PLXDC2: variants seen among roughly 807,000 people sequenced by gnomAD.
PLXDC2 encodes plexin domain-containing protein 2.
A neutral mutation model predicts 68.9 loss-of-function variants in PLXDC2; 40 were observed. That is an observed-to-expected ratio of 0.58 (90% CI 0.45 to 0.76). The LOEUF (loss-of-function observed/expected upper bound fraction) is 0.76. Ranked by LOEUF, PLXDC2 falls within the 30% of genes least tolerant of loss-of-function variation. PLXDC2 has a pLI of 0.00. For synonymous variants in PLXDC2, 243 were observed against 234.2 expected (o/e 1.04, Z -0.34); for missense variants, 644 against 661.9 (o/e 0.97, Z 0.30).
intron 1 of PLXDC2, among the ~76,000 whole-genome samples, chr10:19,825,970 C>A (rs1320501244): frequency 6.6e-6 from 1 of 152,172 alleles, no homozygotes; most frequent in Non-Finnish European, 1.5e-5. Flanking sequence ...TTTCTCTTCT[C>A]CTTCTCCTTT....
intron 4 of PLXDC2, among the ~76,000 whole-genome samples, chr10:20,130,585 A>C (rs1237956296): frequency 6.6e-6 from 1 of 152,118 alleles, no homozygotes; most frequent in Admixed American, 6.5e-5. Flanking sequence ...AATCCCGAGA[A>C]GCTTTTAGCT....
intron 7 of PLXDC2, among the ~76,000 whole-genome samples, chr10:20,170,609 A>C (rs1444672962): frequency 6.6e-6 from 1 of 152,156 alleles, no homozygotes; most frequent in Admixed American, 6.5e-5. Flanking sequence ...AAATAATAGT[A>C]ATAGCATAGA....
chr10:20,261,649 G>T (rs1835810058), intron 13 of PLXDC2, among the ~76,000 whole-genome samples: 1 of 152,146 alleles, frequency 6.6e-6, no homozygotes, highest in Non-Finnish European at 1.5e-5. Context: ...GAGGCTGGGA[G>T]TTTGAGACCA....
At chr10:20,038,863 T>C (rs1169734144) in intron 2 of PLXDC2, among the ~76,000 whole-genome samples, 2 of 152,314 alleles carry the variant, frequency 1.3e-5, no homozygotes, top group South Asian at 2.1e-4. Flanking sequence ...GTGGGAACTT[T>C]ATCTCACATT....
At chr10:20,233,383 T>C (rs1224505712) in intron 12 of PLXDC2, among the ~76,000 whole-genome samples, 1 of 149,800 alleles carries the variant, frequency 6.7e-6, no homozygotes, top group Admixed American at 6.6e-5. Flanking sequence ...AAAAAGTAGG[T>C]GGGCATGGGG....
chr10:19,946,788 A>G (rs952780414), intron 1 of PLXDC2, among the ~76,000 whole-genome samples: 2 of 152,078 alleles, frequency 1.3e-5, no homozygotes, highest in Non-Finnish European at 2.9e-5. Context: ...TGCAGCCTAG[A>G]TCCCTCCATG....
chr10:19,957,182 T>C (rs956913895), intron 1 of PLXDC2, among the ~76,000 whole-genome samples: 1 of 152,192 alleles, frequency 6.6e-6, no homozygotes, highest in African/African-American at 2.4e-5. Context: ...TCTCTCATTC[T>C]AGTCTTTGAA....
chr10:20,217,684 G>T (rs1835158827), intron 11 of PLXDC2, 108 bp downstream of exon 11: 1 of 1,267,392 alleles, frequency 7.9e-7, no homozygotes, highest in South Asian at 2.3e-5. Context: ...TACTCTCTAG[G>T]TCTCTCTAAA....
intron 9 of PLXDC2, among the ~76,000 whole-genome samples, chr10:20,192,460 TA>T (rs1461226571): frequency 6.6e-6 from 1 of 152,012 alleles, no homozygotes; most frequent in Non-Finnish European, 1.5e-5. Context: ...ATAAAAAAAT[TA>T]AAACCACAGA....
intron 12 of PLXDC2, among the ~76,000 whole-genome samples, chr10:20,234,740 G>T (rs942194712): frequency 2.3e-5 from 3 of 132,024 alleles, no homozygotes; most frequent in African/African-American, 5.8e-5. Context: ...ATAGAATTCT[G>T]CTCATTTACT....
chr10:19,907,596 T>C (rs1833188781), intron 1 of PLXDC2, among the ~76,000 whole-genome samples: 1 of 152,192 alleles, frequency 6.6e-6, no homozygotes, highest in Admixed American at 6.5e-5. Context: ...AATGGCAACA[T>C]ACCATACCTT....
chr10:20,231,989 G>A (rs1352472051), intron 12 of PLXDC2, among the ~76,000 whole-genome samples: 2 of 146,978 alleles, frequency 1.4e-5, no homozygotes, highest in African/African-American at 2.5e-5. Context: ...CTGGGTGACA[G>A]AACAGGACCC....
At position 20,285,960 on chromosome 10, in the gene PLXDC2, T is replaced by C. The variant is rs535014928; in HGVS notation, c.*6141T>C. On this transcript the variant is annotated 3_prime_UTR_variant, in exon 14 of 14. Transcript: ENST00000377252. ...TAGCCTCAACTTAAATTGTAATACA[T>C]CTGCCTAATTATTGTCTGGAATAAC... 6.6e-6 allele frequency: 1 copy of C among 152,348 alleles called. No individual in the cohort carries two copies. The highest frequency in any genetic ancestry group is 2.1e-4 in the South Asian group (1 of 4,832). 9.4% of individuals were successfully genotyped at this position (152,348 alleles called of 1,614,324 possible). A position where few individuals can be genotyped will look rare whatever the true frequency, so the allele number is the denominator to read the frequency against.
chr10:20,126,482 T>TAACACATGTTATATATGTATATAG (rs1833785068), intron 4 of PLXDC2, among the ~76,000 whole-genome samples: 2 of 23,338 alleles, frequency 8.6e-5, no homozygotes, highest in African/African-American at 1.8e-4. Flanking sequence ...TATGTATATA[T>TAACACATGTTATATATGTATATAG]AACACACACG....
intron 12 of PLXDC2, among the ~76,000 whole-genome samples, chr10:20,228,240 G>C (rs1835312154): frequency 6.6e-6 from 1 of 152,094 alleles, no homozygotes; most frequent in East Asian, 1.9e-4. Context: ...TTAAGGAGAT[G>C]AATTAGGTAT....
At chr10:19,960,007 T>C (rs1295823906) in intron 1 of PLXDC2, among the ~76,000 whole-genome samples, 1 of 151,984 alleles carries the variant, frequency 6.6e-6, no homozygotes, top group Non-Finnish European at 1.5e-5. Flanking sequence ...TCACACAAAA[T>C]GTAATGACTT....
At chr10:20,071,214 T>G (rs1836310938) in intron 4 of PLXDC2, 1 of 152,184 alleles carries the variant, frequency 6.6e-6, no homozygotes, top group Non-Finnish European at 1.5e-5. Flanking sequence ...TGCTTGCTCT[T>G]TCTTTGTTCA....
chr10:20,061,060 A>T (rs1051940119), intron 3 of PLXDC2, among the ~76,000 whole-genome samples: 4 of 152,160 alleles, frequency 2.6e-5, no homozygotes, highest in African/African-American at 9.7e-5. Flanking sequence ...AAGAGTTTCC[A>T]TGTAGATTTC....
chr10:19,998,927 A>G (rs562497375), intron 1 of PLXDC2, among the ~76,000 whole-genome samples: 6 of 152,324 alleles, frequency 3.9e-5, no homozygotes, highest in South Asian at 2.1e-4. Context: ...TAATCTTACT[A>G]AAGGATGAGC....
Sources: allele counts gnomAD v4.1 joint callset (sites outside exome capture counted in the v4.1 genomes callset), GRCh38; gene constraint gnomAD v4.1.1; transcripts MANE v1.5; gene names NCBI Gene and HGNC (gene_info 2026-07-23, HGNC 2026-07-21).